Variants in DMD observed in about 807,000 individuals in gnomAD.
DMD encodes the protein dystrophin, also known as mutant dystrophin.
DMD carries 63 observed loss-of-function variants against 330.1 expected under a neutral mutation model. That is an observed-to-expected ratio of 0.19 (90% CI 0.16 to 0.24). The LOEUF (loss-of-function observed/expected upper bound fraction) is 0.24, where lower values mean the gene tolerates loss of function less well. DMD is among the 10% of genes least tolerant of loss of function. The pLI is 1.00. For synonymous variants in DMD, 1,223 were observed against 959.8 expected (o/e 1.27, Z -5.07); for missense variants, 3,344 against 2,684.1 (o/e 1.25, Z -5.43).
Position 32,791,471 on chromosome X carries a change from G to A in DMD, c.649+18022C>T, listed in dbSNP as rs774197540. Among the ~76,000 whole-genome samples, 17 of 111,780 alleles carry A rather than the reference G, an allele frequency of 1.5e-4. No individual in the cohort carries two copies. The East Asian group carries it at 1.7e-3, about 11-fold the overall frequency. On this transcript the variant is annotated intron_variant, in intron 7 of 78. Coordinates refer to ENST00000357033, the MANE Select transcript of DMD (RefSeq NM_004006.3). ...TGGACCACTTGGTGTCCCAGTCACC[G>A]GCAAAACTTCACCACAGCTTCTGCT...
chrX:31,568,915 C>T (rs1257067022), intron 55 of DMD, among the ~76,000 whole-genome samples: 1 of 111,168 alleles, frequency 9.0e-6, no homozygotes, highest in Non-Finnish European at 1.9e-5. Flanking sequence ...ATTTTCTTAA[C>T]GTATCACTTT....
chrX:31,812,041 C>A (rs935835921), intron 50 of DMD, among the ~76,000 whole-genome samples: 102 of 103,525 alleles, frequency 9.9e-4, no homozygotes, highest in Non-Finnish European at 1.7e-3. Flanking sequence ...ATAAATTAAC[C>A]ATTTTTTTTT....
At chrX:32,756,755 G>C (rs2071560317) in intron 7 of DMD, among the ~76,000 whole-genome samples, 1 of 111,845 alleles carries the variant, frequency 8.9e-6, no homozygotes. Context: ...AAAGGTAAGA[G>C]GATGTTCTTA....
chrX:31,401,047 T>C (rs2061169091), intron 60 of DMD, among the ~76,000 whole-genome samples: 1 of 111,821 alleles, frequency 8.9e-6, no homozygotes, highest in Non-Finnish European at 1.9e-5. Context: ...GTACTCAAAC[T>C]GGGTTTGAAT....
chrX:31,344,799 T>G (rs1020262473), intron 61 of DMD, among the ~76,000 whole-genome samples: 2 of 110,291 alleles, frequency 1.8e-5, no homozygotes, highest in African/African-American at 6.6e-5. Flanking sequence ...TGCAGTGAGC[T>G]GAGATTGCAC....
chrX:32,036,949 G>A (rs2095952839), intron 44 of DMD, among the ~76,000 whole-genome samples: 1 of 111,472 alleles, frequency 9.0e-6, no homozygotes, highest in African/African-American at 3.3e-5. Flanking sequence ...ACCAAATTTA[G>A]CAACATGAGG....
At chrX:32,467,095 T>G (rs2040107889) in intron 23 of DMD, among the ~76,000 whole-genome samples, 1 of 112,211 alleles carries the variant, frequency 8.9e-6, no homozygotes, top group Admixed American at 9.5e-5. Flanking sequence ...TAGGTATGCA[T>G]GTACACATAT....
chrX:31,230,271 T>G (rs773225561), intron 63 of DMD, among the ~76,000 whole-genome samples: 6 of 112,020 alleles, frequency 5.4e-5, no homozygotes, highest in Non-Finnish European at 5.6e-5. Context: ...GTCTGTGAAT[T>G]TATAATTACT....
At chrX:33,196,738 G>A (rs920753436) in intron 1 of DMD, among the ~76,000 whole-genome samples, 4 of 111,448 alleles carry the variant, frequency 3.6e-5, no homozygotes, top group East Asian at 5.6e-4. Flanking sequence ...AGCTTGTGAA[G>A]GGGCATTATT....
chrX:32,021,826 G>A (rs1338152727), intron 44 of DMD, among the ~76,000 whole-genome samples: 3 of 111,144 alleles, frequency 2.7e-5, no homozygotes, highest in Non-Finnish European at 3.8e-5. Context: ...TGAAAACTAC[G>A]TATTTGACTC....
At chrX:32,577,319 G>A (rs2053167723) in intron 13 of DMD, among the ~76,000 whole-genome samples, 2 of 112,086 alleles carry the variant, frequency 1.8e-5, no homozygotes, top group Admixed American at 9.5e-5. Flanking sequence ...CCAGAATGGT[G>A]AGAAAGTGTT....
rs767509893 is a variant in DMD, at chrX:31,478,100, C to T, written c.8937+6G>A. 1.4e-5 allele frequency: 17 copies of T among 1,207,661 alleles called. No individual in the cohort carries two copies. Among genetic ancestry groups the T allele is most frequent in the Admixed American group, 6.6e-5 (3 of 45,553 alleles). Reference sequence around the variant, plus strand: ...AAGGGCCCTGAAGCAAAGAAGTAGACGGTACCTTGACTTTCTCGAGGTGAT... The same window carrying T: ...AAGGGCCCTGAAGCAAAGAAGTAGATGGTACCTTGACTTTCTCGAGGTGAT... On this transcript the variant is annotated splice_donor_region_variant and intron_variant, in intron 59 of 78. Transcript: ENST00000357033.
intron 7 of DMD, among the ~76,000 whole-genome samples, chrX:32,700,887 T>A (rs1056328759): frequency 8.9e-6 from 1 of 111,864 alleles, no homozygotes; most frequent in Non-Finnish European, 1.9e-5. Flanking sequence ...CTCAAGTCCG[T>A]TAGCACAAAA....
At chrX:32,438,561 G>T (rs957593183) in intron 28 of DMD, among the ~76,000 whole-genome samples, 171 bp from the exon 29 acceptor site, 1 of 111,692 alleles carries the variant, frequency 9.0e-6, no homozygotes, top group Non-Finnish European at 1.9e-5. Flanking sequence ...CAAAAAATAG[G>T]ATGTCATTCT....
chrX:32,944,977 T>C (rs1402724913), intron 2 of DMD, among the ~76,000 whole-genome samples: 1 of 111,617 alleles, frequency 9.0e-6, no homozygotes, highest in Non-Finnish European at 1.9e-5. Flanking sequence ...TTCAACATTT[T>C]CTATTAATCC....
chrX:32,114,345 C>T (rs911612508), intron 44 of DMD, among the ~76,000 whole-genome samples: 5 of 111,406 alleles, frequency 4.5e-5, no homozygotes, highest in African/African-American at 1.6e-4. Flanking sequence ...CTTATCCATC[C>T]TGTGTAGCCC....
At chrX:32,065,076 A>C (rs1456950791) in intron 44 of DMD, among the ~76,000 whole-genome samples, 1 of 111,314 alleles carries the variant, frequency 9.0e-6, no homozygotes, top group Admixed American at 9.6e-5. Context: ...ATTCTTTCAT[A>C]GTCTGATTCT....
intron 34 of DMD, among the ~76,000 whole-genome samples, chrX:32,372,787 T>G (rs2097884584): frequency 8.9e-6 from 1 of 112,095 alleles, no homozygotes; most frequent in Non-Finnish European, 1.9e-5. Context: ...ATTTTCATCA[T>G]CAATCTTTTA....
rs1193276284 is a variant in DMD at position 33,009,510 on chromosome X, A to G, written c.93+10629T>C. On this transcript the variant is annotated intron_variant, in intron 2 of 78. Coordinates refer to ENST00000357033, the MANE Select transcript of DMD (RefSeq NM_004006.3). Reference sequence around the variant, plus strand: ...CATGTGTGTATATGTATATGTGTATATACACATATGTGTGTATGTGTGTAT... The same window carrying G: ...CATGTGTGTATATGTATATGTGTATGTACACATATGTGTGTATGTGTGTAT... Among the ~76,000 whole-genome samples the G allele has an allele frequency of 3.2e-5, 3 of 93,189 alleles. 1 individual carries two copies. The highest frequency in any genetic ancestry group is 6.5e-5 in the Non-Finnish European group (3 of 46,248). The allele number at this position is 93,189 out of a possible 115,157, so 80.9% of individuals were successfully genotyped here. A position where few individuals can be genotyped will look rare whatever the true frequency, so the allele number is the denominator to read the frequency against.
Sources: gnomAD v4.1 joint callset for allele counts (sites outside exome capture counted in the v4.1 genomes callset) on GRCh38, gnomAD v4.1.1 for gene constraint, MANE v1.5 for transcripts, NCBI Gene and HGNC (gene_info 2026-07-23, HGNC 2026-07-21) for gene names.